Variants in KIF6 observed in about 807,000 individuals in gnomAD.
The protein encoded by KIF6 is kinesin family member 6, also known as kinesin-like protein KIF6.
In KIF6, 106 loss-of-function variants were observed where a neutral mutation model predicts 112.7. The observed-to-expected ratio is 0.94, with a 90% CI of 0.80 to 1.11. The LOEUF is 1.11. Ranked by LOEUF, KIF6 falls within the 50% of genes least tolerant of loss-of-function variation. The pLI is 0.00. For missense variants in KIF6, 929 were observed against 964.0 expected, an observed-to-expected ratio of 0.96 and a Z score of 0.48; for synonymous variants, 339 against 339.9, an observed-to-expected ratio of 1.00 and a Z score of 0.03.
chr6:39,641,674 CA>C (rs34954562), intron 3 of KIF6, among the ~76,000 whole-genome samples: 3,368 of 143,316 alleles, frequency 0.024, 83 homozygotes, highest in African/African-American at 0.06. Flanking sequence ...GCCAAGGAAA[CA>C]AAAAAAAAAG....
At chr6:39,457,175 A>T (rs1408522314) in intron 13 of KIF6, among the ~76,000 whole-genome samples, 1 of 152,038 alleles carries the variant, frequency 6.6e-6, no homozygotes, top group African/African-American at 2.4e-5. Context: ...ACTATCTCTC[A>T]GACCACAGTG....
intron 15 of KIF6, among the ~76,000 whole-genome samples, chr6:39,401,782 T>C (rs555382102): frequency 6.6e-6 from 1 of 152,134 alleles, no homozygotes; most frequent in South Asian, 2.1e-4. Flanking sequence ...TCTGACAACA[T>C]CTACCCTGTT....
intron 15 of KIF6, among the ~76,000 whole-genome samples, chr6:39,414,344 T>C (rs1475815113): frequency 1.3e-5 from 2 of 152,334 alleles, no homozygotes; most frequent in African/African-American, 4.8e-5. Flanking sequence ...ACCCACTCAG[T>C]TGGAATTGTA....
At chr6:39,482,269 CA>C (rs1468224164) in intron 13 of KIF6, among the ~76,000 whole-genome samples, 15 of 152,186 alleles carry the variant, frequency 9.9e-5, no homozygotes, top group African/African-American at 3.6e-4. Flanking sequence ...AACTGAAATT[CA>C]AACTTCACTG....
At chr6:39,617,888 T>C in intron 5 of KIF6, 1 of 330,134 alleles carries the variant, frequency 3.0e-6, no homozygotes. Flanking sequence ...CACAAGTCAC[T>C]TAAATAAAGA....
intron 16 of KIF6, among the ~76,000 whole-genome samples, chr6:39,364,849 T>G (rs1298786917): frequency 6.6e-6 from 1 of 152,238 alleles, no homozygotes; most frequent in African/African-American, 2.4e-5. Flanking sequence ...TGTTTTTTTC[T>G]GATTCCAAGG....
chr6:39,535,787 T>C (rs1434903028), intron 13 of KIF6, among the ~76,000 whole-genome samples: 1 of 152,052 alleles, frequency 6.6e-6, no homozygotes, highest in African/African-American at 2.4e-5. Context: ...ACCACACCTA[T>C]TCCAAAATTG....
intron 5 of KIF6, among the ~76,000 whole-genome samples, chr6:39,616,780 C>A (rs549117687): frequency 3.9e-5 from 6 of 152,182 alleles, no homozygotes; most frequent in African/African-American, 1.4e-4. Flanking sequence ...CTGGGCACTA[C>A]GTCTATTGCC....
intron 22 of KIF6, among the ~76,000 whole-genome samples, chr6:39,339,734 C>A (rs1403481362): frequency 2.0e-5 from 3 of 152,186 alleles, no homozygotes; most frequent in Admixed American, 2.0e-4. Flanking sequence ...ATGCCCCTTA[C>A]GGGTGTTATA....
At chr6:39,346,441 G>A (rs745829292) in intron 20 of KIF6, 35 bp downstream of exon 20, 2 of 717,112 alleles carry the variant, frequency 2.8e-6, no homozygotes, top group Admixed American at 4.0e-5. Context: ...GCGTCGAGAA[G>A]ACAGCTGTCT....
intron 20 of KIF6, among the ~76,000 whole-genome samples, chr6:39,346,169 C>CTCTCTCTCTCTCTCTCT (rs1763789974): frequency 7.0e-6 from 1 of 142,824 alleles, no homozygotes; most frequent in African/African-American, 2.6e-5. Flanking sequence ...CTCTTTCTCT[C>CTCTCTCTCTCTCTCTCT]CTATGTGAGC....
intron 10 of KIF6, 128 bp downstream of exon 10, chr6:39,577,928 A>T: frequency 1.6e-6 from 1 of 607,950 alleles, no homozygotes; most frequent in Non-Finnish European, 2.8e-6. Flanking sequence ...ACTGGCGCCT[A>T]AATGCAATTT....
At chr6:39,363,038 A>G (rs1765283903) in intron 16 of KIF6, among the ~76,000 whole-genome samples, 1 of 152,154 alleles carries the variant, frequency 6.6e-6, no homozygotes, top group Admixed American at 6.5e-5. Flanking sequence ...AATCCCAGCT[A>G]CTCGGGAGGC....
chr6:39,696,157 G>C (rs1788525104), intron 3 of KIF6, among the ~76,000 whole-genome samples: 1 of 152,138 alleles, frequency 6.6e-6, no homozygotes, highest in South Asian at 2.1e-4. Context: ...GAAGGAGGAA[G>C]AGGAACAAGA....
chr6:39,349,615 G>A (rs1764062230), intron 19 of KIF6, among the ~76,000 whole-genome samples: 1 of 139,542 alleles, frequency 7.2e-6, no homozygotes. Flanking sequence ...TGAAGGTCTA[G>A]GTTTAATTTG....
chr6:39,524,012 T>A (rs1469869545), intron 13 of KIF6, among the ~76,000 whole-genome samples: 3 of 152,142 alleles, frequency 2.0e-5, no homozygotes, highest in Non-Finnish European at 4.4e-5. Context: ...TGCAGTAGAA[T>A]GTCTTATGTT....
intron 13 of KIF6, among the ~76,000 whole-genome samples, chr6:39,487,588 C>A (rs1775195364): frequency 6.6e-6 from 1 of 152,114 alleles, no homozygotes; most frequent in Non-Finnish European, 1.5e-5. Flanking sequence ...GTTCTCCCTA[C>A]AATTATTTTT....
intron 7 of KIF6, among the ~76,000 whole-genome samples, chr6:39,595,756 A>G (rs1024614475): frequency 1.3e-5 from 2 of 152,166 alleles, no homozygotes; most frequent in African/African-American, 4.8e-5. Context: ...GAAATAGGCA[A>G]ATTCATAGAG....
intron 7 of KIF6, among the ~76,000 whole-genome samples, chr6:39,589,850 T>G (rs1427901827): frequency 6.6e-6 from 1 of 152,190 alleles, no homozygotes; most frequent in East Asian, 1.9e-4. Context: ...TGACTTTTCT[T>G]GAGATTCTTT....
Sources: gnomAD v4.1 joint callset for allele counts (sites outside exome capture counted in the v4.1 genomes callset) on GRCh38, gnomAD v4.1.1 for gene constraint, MANE v1.5 for transcripts, NCBI Gene and HGNC (gene_info 2026-07-23, HGNC 2026-07-21) for gene names.